BRD1: variants seen among roughly 807,000 people sequenced by gnomAD.
The protein encoded by BRD1 is bromodomain-containing protein 1.
Under a neutral mutation model 107.7 loss-of-function variants are expected in BRD1, and 24 were observed. That is an observed-to-expected ratio of 0.22 (90% CI 0.16 to 0.31). BRD1 has a LOEUF of 0.31. BRD1 is among the 10% of genes least tolerant of loss of function. The pLI is 1.00. For missense variants in BRD1, 1,279 were observed against 1,638.6 expected (o/e 0.78, Z 3.79); for synonymous variants, 744 against 686.1 (o/e 1.08, Z -1.32).
chr22:49,789,465 C>T (rs2059390290), intron 7 of BRD1, among the ~76,000 whole-genome samples: 1 of 152,030 alleles, frequency 6.6e-6, no homozygotes, highest in Admixed American at 6.5e-5. Flanking sequence ...ACTTCACTTC[C>T]TGCCTCCTCT....
At chr22:49,812,449 T>C (rs2059867948) in intron 2 of BRD1, among the ~76,000 whole-genome samples, 1 of 152,214 alleles carries the variant, frequency 6.6e-6, no homozygotes, top group African/African-American at 2.4e-5. Flanking sequence ...CACATGCCTA[T>C]AATCCCAGCT....
At chr22:49,811,427 C>T (rs1403137886) in intron 2 of BRD1, among the ~76,000 whole-genome samples, 2 of 152,152 alleles carry the variant, frequency 1.3e-5, no homozygotes, top group Non-Finnish European at 2.9e-5. Context: ...CCCCCCTTAA[C>T]CAAGGGGGAT....
rs768147160 is a variant in BRD1 at position 49,823,201 on chromosome 22, C to T, written c.1117G>A (p.Gly373Ser). The T allele has an allele frequency of 3.7e-6, 6 of 1,614,058 alleles. No individual in the cohort carries two copies. The highest frequency in any genetic ancestry group is 2.7e-5 in the African/African-American group (2 of 74,918). ...TTTCTGACGGAGAAGGTGGTGCCAC[C>T]GCCAGTCAGTTCCTTCACGGGCTCC... ...KMEPVKELTG[G>S]GTTFSVRKTA... Residue 373 changes from glycine (G) to serine (S), a missense_variant, in exon 2 of 13, where the codon GGT (glycine) becomes AGT (serine). Gly to Ser is a moderately conservative substitution (Grantham distance 56). Transcript: ENST00000404760.
chr22:49,826,568 C>G (rs1452061896), intron 1 of BRD1, among the ~76,000 whole-genome samples: 3 of 152,216 alleles, frequency 2.0e-5, no homozygotes, highest in Non-Finnish European at 4.4e-5. Flanking sequence ...ACAAGACGGC[C>G]GCTTCCATCT....
chr22:49,826,541 G>A (rs552501329), intron 1 of BRD1, among the ~76,000 whole-genome samples: 5 of 152,364 alleles, frequency 3.3e-5, no homozygotes, highest in Admixed American at 2.0e-4. Flanking sequence ...GCGGGCCACA[G>A]GCGGGGAAGG....
rs1442276432 is a variant in BRD1 at position 49,803,967 on chromosome 22, CA to C, written c.1524+236del. Among the ~76,000 whole-genome samples, 4 of 152,234 alleles carry C rather than the reference CA, an allele frequency of 2.6e-5. No homozygotes were observed. Among genetic ancestry groups the C allele is most frequent in the Non-Finnish European group, 5.9e-5 (4 of 68,048 alleles). On this transcript the variant is annotated intron_variant, in intron 3 of 12. Transcript: ENST00000404760. This position sits in a 1 kb window ranked among gnomAD's most constrained non-coding sequence, Gnocchi z 4.4. ...CAGGGCAGGGCGGGGGAGCGCAACT[CA>C]AAACGGAAGAAACACCCAGTGACAG...
intron 2 of BRD1, among the ~76,000 whole-genome samples, chr22:49,809,100 C>T (rs1158989036): frequency 6.6e-6 from 1 of 151,690 alleles, no homozygotes; most frequent in African/African-American, 2.4e-5. Flanking sequence ...GCCTGGGCAA[C>T]ATAGCAAGAC....
chr22:49,807,124 T>C (rs1601700333), intron 2 of BRD1: 2 of 151,990 alleles, frequency 1.3e-5, no homozygotes, highest in Non-Finnish European at 2.9e-5. Flanking sequence ...GACACATAAA[T>C]ACTTTACCAT....
In BRD1 at chr22:49,803,823, G is replaced by A. The variant is rs2059686680; in HGVS notation, c.1524+381C>T. Among the ~76,000 whole-genome samples, 1 of 152,102 alleles carries A rather than the reference G, an allele frequency of 6.6e-6. No homozygotes were observed. The highest frequency in any genetic ancestry group is 1.5e-5 in the Non-Finnish European group (1 of 68,022). On this transcript the variant is annotated intron_variant, in intron 3 of 12. Coordinates refer to ENST00000404760, the MANE Select transcript of BRD1 (RefSeq NM_001304808.3). This position sits in a 1 kb window ranked among gnomAD's most constrained non-coding sequence, Gnocchi z 4.4. ...ACCCCCACCCACATGGCCCGGGTGT[G>A]CTCACCGGGTCCCACTCCTGCTGTC...
chr22:49,794,228 A>G lies in BRD1; in HGVS notation c.2165T>C (p.Leu722Pro). 1 of 1,614,116 alleles carries G rather than the reference A, an allele frequency of 6.2e-7. No individual in the cohort carries two copies. The highest frequency in any genetic ancestry group is 8.5e-7 in the Non-Finnish European group (1 of 1,179,998). Residue 722 changes from leucine (L) to proline (P), a missense_variant, in exon 7 of 13, where the codon CTG becomes CCG. By Grantham distance (98) the Leu-to-Pro change is moderately conservative (BLOSUM62 -3). Transcript: ENST00000404760. The stretch of plus-strand genomic sequence containing the variant: ...AGCGCAGGTGAGGTCGAGCATGTCC[A>G]GCAGCTCTCTCAGCTGCTCCTCCAG... Reference protein sequence around the residue: ...LGLEEQLRELLDMLDLTCAMK... With the variant: ...LGLEEQLRELPDMLDLTCAMK...
At chr22:49,797,432 G>T (rs2059555564) in intron 6 of BRD1, among the ~76,000 whole-genome samples, 1 of 152,128 alleles carries the variant, frequency 6.6e-6, no homozygotes. Context: ...CCACCCCATA[G>T]GGAGCCACAG....
chr22:49,802,803 C>T (rs542303634), intron 3 of BRD1, among the ~76,000 whole-genome samples: 2 of 152,354 alleles, frequency 1.3e-5, no homozygotes, highest in South Asian at 4.1e-4. Flanking sequence ...TCCAGGAGCC[C>T]TGGAGGCTAC....
chr22:49,804,243 C>G lies in BRD1; in HGVS notation c.1485G>C (p.Arg495=), dbSNP rs1391072384. 1.9e-6 allele frequency: 3 copies of G among 1,607,312 alleles called. No individual in the cohort carries two copies. The African/African-American group carries it at 4.0e-5, about 21-fold the overall frequency. ...GCTGAGACTGCAGGCTGGACTGCAG[C>G]CGCCGCAGCAGGGGGGCCCCGTTCC... ...LSRNGAPLLR[R]LQSSLQSQRS... is the part of the protein sequence containing the mutation. Residue 495 remains arginine, a synonymous_variant, in exon 3 of 13, where the codon CGG becomes CGC. Transcript: ENST00000404760.
chr22:49,777,019 G>A lies in BRD1; in HGVS notation c.3121+15C>T, dbSNP rs1569081795. ...GAGGTGTGGAGAGCCATGGAGGCAGGTCCGGGCGACTCACCGGCTGCGATC... is the reference window on the plus strand; with the variant it reads ...GAGGTGTGGAGAGCCATGGAGGCAGATCCGGGCGACTCACCGGCTGCGATC... On this transcript the variant is annotated intron_variant, in intron 10 of 12. Transcript: ENST00000404760. The A allele has an allele frequency of 1.9e-6, 3 of 1,612,882 alleles. No individual in the cohort carries two copies. The highest frequency in any genetic ancestry group is 2.5e-6 in the Non-Finnish European group (3 of 1,179,962).
intron 2 of BRD1, among the ~76,000 whole-genome samples, chr22:49,821,810 G>A (rs1228629569): frequency 6.6e-6 from 1 of 152,204 alleles, no homozygotes; most frequent in African/African-American, 2.4e-5. Context: ...CAGTCCTGGA[G>A]GGTCTGTGTG....
intron 2 of BRD1, among the ~76,000 whole-genome samples, chr22:49,814,433 C>A (rs2059912094): frequency 1.3e-5 from 2 of 152,352 alleles, no homozygotes; most frequent in South Asian, 4.1e-4. Context: ...GGGACTCCTG[C>A]ACCAAGGCTG....
In BRD1 at chr22:49,823,986, G is replaced by T. The variant is rs779060123; in HGVS notation, c.332C>A (p.Pro111Gln). Reference protein sequence around the residue: ...NEALPSAHGTPASASALPEPK... With the variant: ...NEALPSAHGTQASASALPEPK... ...CTCCGGGAGGGCACTGGCCGAGGCC[G>T]GCGTGCCGTGGGCGCTGGGGAGGGC... The change falls in exon 2 of 13, where the codon CCG (proline) becomes CAG (glutamine). Residue 111 changes from proline to glutamine, a missense_variant. Pro to Gln is a moderately conservative substitution (Grantham distance 76). Transcript: ENST00000404760. 6.2e-7 allele frequency: 1 copy of T among 1,613,866 alleles called. No individual in the cohort carries two copies. Among genetic ancestry groups the T allele is most frequent in the Non-Finnish European group, 8.5e-7 (1 of 1,180,048 alleles).
chr22:49,791,271 A>C (rs1185345115), intron 7 of BRD1, among the ~76,000 whole-genome samples: 1 of 152,206 alleles, frequency 6.6e-6, no homozygotes, highest in Admixed American at 6.5e-5. Context: ...AGCCTGCGGG[A>C]GGGCCTGTAC....
rs138573308 is a variant in BRD1 at position 49,784,759 on chromosome 22, C to T, written c.2857+2631G>A. Among the ~76,000 whole-genome samples, 13 of 152,338 alleles carry T rather than the reference C, an allele frequency of 8.5e-5. No homozygotes were observed. The East Asian group carries it at 1.7e-3, about 20-fold the overall frequency. ...CCATGTGCAGAGCACCAGAAGGTTC[C>T]GGTGAAACCAAAGCGAGGGCGGATG... On this transcript the variant is annotated intron_variant, in intron 8 of 12. Transcript: ENST00000404760.
Sources: allele counts gnomAD v4.1 joint callset (sites outside exome capture counted in the v4.1 genomes callset), GRCh38; gene constraint gnomAD v4.1.1; non-coding constraint Gnocchi (gnomAD v3.1); transcripts MANE v1.5; gene names NCBI Gene and HGNC (gene_info 2026-07-23, HGNC 2026-07-21).